The following SPSB4 variants were observed in gnomAD, a reference collection of about 807,000 sequenced individuals.
SPSB4 encodes SPRY domain-containing SOCS box protein 4.
In SPSB4, 21 loss-of-function variants were observed where a neutral mutation model predicts 20.9. The ratio of observed to expected loss-of-function variants is 1.01; its 90% CI spans 0.71 to 1.45. The LOEUF is 1.45. Among genes scored for constraint, SPSB4 ranks in the 40% most tolerant of loss-of-function variants. The probability of loss-of-function intolerance (pLI) is 0.00; values close to 1 mark genes in which losing one functional copy is unlikely to be tolerated. For synonymous variants in SPSB4, 207 were observed against 183.8 expected, an observed-to-expected ratio of 1.13 and a Z score of -1.02; for missense variants, 399 against 399.2, an observed-to-expected ratio of 1.00 and a Z score of 0.00.
chr3:141,104,159 C>G (rs1249962177), intron 2 of SPSB4, among the ~76,000 whole-genome samples: 1 of 152,064 alleles, frequency 6.6e-6, no homozygotes, highest in Admixed American at 6.5e-5. Context: ...GCCTGCAGGT[C>G]CCTGCGGGTG....
intron 2 of SPSB4, among the ~76,000 whole-genome samples, chr3:141,093,723 C>T (rs79658398): frequency 0.11 from 16,096 of 152,216 alleles, 944 homozygotes; most frequent in Middle Eastern, 0.14. Flanking sequence ...CACACATAGA[C>T]TCTAATGAGC....
At chr3:141,063,369 C>T (rs537639898) in intron 1 of SPSB4, among the ~76,000 whole-genome samples, 6 of 152,206 alleles carry the variant, frequency 3.9e-5, no homozygotes, top group East Asian at 1.9e-4. Flanking sequence ...GTCAATATTT[C>T]GGTCTTAGTT....
intron 2 of SPSB4, among the ~76,000 whole-genome samples, chr3:141,088,070 G>A (rs998630800): frequency 2.6e-5 from 4 of 152,082 alleles, no homozygotes; most frequent in Non-Finnish European, 5.9e-5. Context: ...GTGGGGTGGG[G>A]AATGGCCCAA....
intron 2 of SPSB4, among the ~76,000 whole-genome samples, chr3:141,125,944 A>G (rs902700113): frequency 3.3e-5 from 5 of 152,138 alleles, no homozygotes; most frequent in African/African-American, 1.2e-4. Flanking sequence ...CCTTTCCTCT[A>G]TGGCTTGTGG....
At chr3:141,065,782 T>C (rs1937853130) in intron 1 of SPSB4, among the ~76,000 whole-genome samples, 170 bp from the exon 2 acceptor site, 1 of 152,194 alleles carries the variant, frequency 6.6e-6, no homozygotes, top group South Asian at 2.1e-4. Context: ...CATAAATAAT[T>C]TAGAACACTG....
At chr3:141,141,409 T>A (rs1186670436) in intron 2 of SPSB4, among the ~76,000 whole-genome samples, 1 of 152,212 alleles carries the variant, frequency 6.6e-6, no homozygotes, top group East Asian at 1.9e-4. Flanking sequence ...AAATCACCCA[T>A]CTTCTGCATC....
At chr3:141,127,813 A>C (rs183583244) in intron 2 of SPSB4, among the ~76,000 whole-genome samples, 19 of 152,348 alleles carry the variant, frequency 1.2e-4, no homozygotes, top group Admixed American at 1.0e-3. Flanking sequence ...GCTGCATGGC[A>C]GGTCAGGGAA....
At position 141,147,354 on chromosome 3, in the gene SPSB4, G is replaced by A. The variant is rs1203755466; in HGVS notation, c.*85G>A. ...ATTCACAGTCCCATGGCACATAGGGGAAAGGATCTACCCTTCTCCTGGCTC... is the reference window on the plus strand; with the variant it reads ...ATTCACAGTCCCATGGCACATAGGGAAAAGGATCTACCCTTCTCCTGGCTC... On this transcript the variant is annotated 3_prime_UTR_variant, in exon 3 of 3. Coordinates refer to ENST00000310546, the MANE Select transcript of SPSB4 (RefSeq NM_080862.3). The A allele has an allele frequency of 7.0e-6, 11 of 1,580,488 alleles. No individual in the cohort carries two copies.
intron 2 of SPSB4, among the ~76,000 whole-genome samples, chr3:141,120,134 C>T (rs1938943291): frequency 6.6e-6 from 1 of 152,186 alleles, no homozygotes; most frequent in South Asian, 2.1e-4. Context: ...TCATTGGTTT[C>T]AAAGAACTTA....
In SPSB4 at chr3:141,143,255, G is replaced by C. The variant is rs9831903; in HGVS notation, c.695-3887G>C. On this transcript the variant is annotated intron_variant, in intron 2 of 2. Coordinates refer to ENST00000310546, the MANE Select transcript of SPSB4 (RefSeq NM_080862.3). The stretch of plus-strand genomic sequence containing the variant: ...TTACCTTAAGTTTATGTGAGTTCTT[G>C]TGTGCTAGGTGAGTCTCTTGAAGAC... Among the ~76,000 whole-genome samples, 179 of 152,324 alleles carry C rather than the reference G, an allele frequency of 1.2e-3. 1 individual carries two copies. Among genetic ancestry groups the C allele is most frequent in the Non-Finnish European group, 2.3e-3 (155 of 68,034 alleles).
At chr3:141,109,639 T>C (rs1459167623) in intron 2 of SPSB4, among the ~76,000 whole-genome samples, 1 of 152,016 alleles carries the variant, frequency 6.6e-6, no homozygotes, top group Non-Finnish European at 1.5e-5. Flanking sequence ...TTTATCATTG[T>C]TTTCTCACTT....
rs34497605 is a variant in SPSB4, at chr3:141,087,762, C to T, written c.694+20964C>T. ...ACGTGCCCACCAAGGCAAATGCGGG[C>T]AGGGCAGAGGAGGAATGGGAGGGGA... On this transcript the variant is annotated intron_variant, in intron 2 of 2. Transcript: ENST00000310546. 5.8e-3 allele frequency among the ~76,000 whole-genome samples: 889 copies of T among 152,224 alleles called. 2 individuals carry two copies. Among genetic ancestry groups the T allele is most frequent in the Non-Finnish European group, 8.2e-3 (560 of 68,000 alleles).
At chr3:141,130,685 C>A (rs1939117841) in intron 2 of SPSB4, among the ~76,000 whole-genome samples, 1 of 152,088 alleles carries the variant, frequency 6.6e-6, no homozygotes, top group African/African-American at 2.4e-5. Context: ...CTTCAGAGGG[C>A]CCAGGGAAGC....
intron 2 of SPSB4, 116 bp from the exon 3 acceptor site, chr3:141,147,026 T>C (rs1488521324): frequency 1.4e-6 from 2 of 1,420,934 alleles, no homozygotes; most frequent in Non-Finnish European, 1.9e-6. Context: ...GGAGAAGCCA[T>C]TGACCCTGAA....
At chr3:141,146,932 C>T (rs911822042) in intron 2 of SPSB4, among the ~76,000 whole-genome samples, 3 of 152,148 alleles carry the variant, frequency 2.0e-5, no homozygotes, top group African/African-American at 7.2e-5. Context: ...TTTTGTGACT[C>T]TTTAGTCTCA....
At chr3:141,088,755 C>A (rs1209465429) in intron 2 of SPSB4, among the ~76,000 whole-genome samples, 2 of 152,118 alleles carry the variant, frequency 1.3e-5, no homozygotes, top group African/African-American at 4.8e-5. Flanking sequence ...CAGCAGTATG[C>A]AGCTCATTCA....
At chr3:141,135,771 T>C (rs1365416999) in intron 2 of SPSB4, among the ~76,000 whole-genome samples, 1 of 152,142 alleles carries the variant, frequency 6.6e-6, no homozygotes, top group Non-Finnish European at 1.5e-5. Flanking sequence ...GTTCCAAGTC[T>C]TTGCTATTGT....
intron 2 of SPSB4, among the ~76,000 whole-genome samples, chr3:141,143,527 G>A (rs1287746184): frequency 1.3e-5 from 2 of 152,362 alleles, no homozygotes; most frequent in East Asian, 3.9e-4. Flanking sequence ...GGTGGCAGGG[G>A]AGTGAAGTAG....
At chr3:141,143,951 G>T (rs545635930) in intron 2 of SPSB4, among the ~76,000 whole-genome samples, 1 of 152,288 alleles carries the variant, frequency 6.6e-6, no homozygotes, top group African/African-American at 2.4e-5. Flanking sequence ...AAAAGTAGAA[G>T]AAAAGCCTAT....
Sources: gnomAD v4.1 joint callset for allele counts (sites outside exome capture counted in the v4.1 genomes callset) on GRCh38, gnomAD v4.1.1 for gene constraint, MANE v1.5 for transcripts, NCBI Gene and HGNC (gene_info 2026-07-23, HGNC 2026-07-21) for gene names.